The following USP38 variants were observed in gnomAD, a reference collection of about 807,000 sequenced individuals.
USP38 encodes ubiquitin specific peptidase 38, also known as ubiquitin carboxyl-terminal hydrolase 38.
In USP38, 49 loss-of-function variants were observed where a neutral mutation model predicts 94.3. The ratio of observed to expected loss-of-function variants is 0.52; its 90% CI spans 0.41 to 0.66. The LOEUF is 0.66. USP38 is among the 30% of genes least tolerant of loss of function. The pLI, the probability that USP38 is intolerant of heterozygous loss-of-function variation, is 0.00. For missense variants in USP38, 1,128 were observed against 1,229.4 expected (o/e 0.92, Z 1.23); for synonymous variants, 468 against 463.6 (o/e 1.01, Z -0.12).
chr4:143,187,132 A>G (rs73850684), intron 1 of USP38, among the ~76,000 whole-genome samples: 4,374 of 152,164 alleles, frequency 0.029, 188 homozygotes, highest in African/African-American at 0.1. Context: ...CTGTGTTGTC[A>G]TAACTGTTAG....
intron 4 of USP38, among the ~76,000 whole-genome samples, 186 bp from the exon 5 acceptor site, chr4:143,203,222 C>A (rs1199166979): frequency 2.6e-5 from 4 of 151,984 alleles, no homozygotes. Flanking sequence ...CAGTCATATG[C>A]GACTTCGAAA....
Position 143,203,486 on chromosome 4 carries a change from T to C in USP38, c.1129T>C (p.Leu377=). Residue 377 remains leucine (L), a synonymous_variant, in exon 5 of 10, where the codon TTA becomes CTA. Coordinates refer to ENST00000307017, the MANE Select transcript of USP38 (RefSeq NM_032557.6). The part of the protein sequence containing the change: ...LPSSTAFLVQ[L]TELIHCMMYH... ...TTCAAGTACAGCCTTCTTAGTACAA[T>C]TAACAGAATTGATACACTGTATGAT... 2 of 1,613,388 alleles carry C rather than the reference T, an allele frequency of 1.2e-6. No individual in the cohort carries two copies. Among genetic ancestry groups the C allele is most frequent in the Non-Finnish European group, 1.7e-6 (2 of 1,179,594 alleles).
At chr4:143,209,157 T>C (rs1731955471) in intron 6 of USP38, among the ~76,000 whole-genome samples, 1 of 152,120 alleles carries the variant, frequency 6.6e-6, no homozygotes. Context: ...ATCCAGAAAA[T>C]AGAAATAATA....
At chr4:143,202,150 T>C (rs532779513) in intron 4 of USP38, among the ~76,000 whole-genome samples, 64 of 152,320 alleles carry the variant, frequency 4.2e-4, no homozygotes, top group Admixed American at 1.4e-3. Flanking sequence ...GACAGAAGTA[T>C]AATTCATATT....
In USP38 at chr4:143,221,894, A is replaced by G. The variant is rs932790540; in HGVS notation, c.*1438A>G. 1 of 152,108 alleles carries G rather than the reference A, an allele frequency of 6.6e-6. No homozygotes were observed. The highest frequency in any genetic ancestry group is 2.4e-5 in the African/African-American group (1 of 41,464). 9.4% of individuals were successfully genotyped at this position (152,108 alleles called of 1,614,324 possible). ...TCCCATTCCTAACCTGTTTCCAATC[A>G]CCAGGAAGATTAGGAAGGCAGATTA... is the stretch of plus-strand genomic sequence containing the variant. On this transcript the variant is annotated 3_prime_UTR_variant, in exon 10 of 10. Coordinates refer to ENST00000307017, the MANE Select transcript of USP38 (RefSeq NM_032557.6).
In USP38 at chr4:143,187,977, A is replaced by G. The variant is rs1266859494; in HGVS notation, c.818+16A>G. ...CCCTTTGCAGGTACTTCTTCATGAC[A>G]CTATTAATGGTAATTGTAGATTTGG... On this transcript the variant is annotated intron_variant, in intron 2 of 9. Coordinates refer to ENST00000307017, the MANE Select transcript of USP38 (RefSeq NM_032557.6). The G allele has an allele frequency of 6.2e-7, 1 of 1,604,240 alleles. No homozygotes were observed. The highest frequency in any genetic ancestry group is 8.5e-7 in the Non-Finnish European group (1 of 1,176,924).
At chr4:143,216,764 A>G (rs1392860003) in intron 9 of USP38, among the ~76,000 whole-genome samples, 2 of 151,008 alleles carry the variant, frequency 1.3e-5, no homozygotes, top group African/African-American at 4.9e-5. Context: ...ATGTGGCCCA[A>G]TAATCAACTC....
chr4:143,213,095 G>C (rs1361776602), intron 8 of USP38, among the ~76,000 whole-genome samples: 2 of 152,050 alleles, frequency 1.3e-5, no homozygotes, highest in Non-Finnish European at 2.9e-5. Context: ...AATTGTATGG[G>C]TTTGGTATGT....
In USP38 at chr4:143,223,842, C is replaced by T. The variant is rs1732382150; in HGVS notation, c.*3386C>T. The T allele has an allele frequency of 1.3e-5, 2 of 152,000 alleles. No individual in the cohort carries two copies. Among genetic ancestry groups the T allele is most frequent in the Admixed American group, 1.3e-4 (2 of 15,236 alleles). The allele number at this position is 152,000 out of a possible 1,614,324, so 9.4% of individuals were successfully genotyped here. On this transcript the variant is annotated 3_prime_UTR_variant, in exon 10 of 10. Transcript: ENST00000307017. ...TGTGATAGTTTATATATCCTTTCAT[C>T]ATACGTTTTTTCTAATGAGTTTAGA...
Position 143,221,372 on chromosome 4 carries a change from A to G in USP38, c.*916A>G, listed in dbSNP as rs762596095. ...AAATCTGATGGTTCTAAATCAATCA[A>G]TGTGATAGTTCATTTTTAACTCTTA... On this transcript the variant is annotated 3_prime_UTR_variant, in exon 10 of 10. Coordinates refer to ENST00000307017, the MANE Select transcript of USP38 (RefSeq NM_032557.6). 1.3e-5 allele frequency: 2 copies of G among 152,566 alleles called. No homozygotes were observed. The highest frequency in any genetic ancestry group is 4.8e-5 in the African/African-American group (2 of 41,446). 9.5% of individuals were successfully genotyped at this position (152,566 alleles called of 1,614,324 possible).
chr4:143,214,529 A>G lies in USP38; in HGVS notation c.2553A>G (p.Ile851Met), dbSNP rs1276644646. Residue 851 changes from isoleucine (I) to methionine (M), a missense_variant, in exon 9 of 10, where the codon ATA becomes ATG. Transcript: ENST00000307017. ...GTTCCGTTGTGGTTCACTCTGGTAT[A>G]TCCTCTGAAAGTGGGCATTACTATT... is the stretch of plus-strand genomic sequence containing the variant. ...LLSSVVVHSG[I>M]SSESGHYYSY... 2.5e-6 allele frequency: 4 copies of G among 1,613,490 alleles called. No individual in the cohort carries two copies. Among genetic ancestry groups the G allele is most frequent in the Admixed American group, 1.7e-5 (1 of 59,886 alleles).
intron 5 of USP38, chr4:143,204,402 T>G (rs1420056455): frequency 7.9e-5 from 36 of 454,664 alleles, no homozygotes; most frequent in Non-Finnish European, 1.4e-4. Context: ...AGCACTTTTT[T>G]TTTTTTTTGG....
rs1270547163 is a variant in USP38 at position 143,189,851 on chromosome 4, C to G, written c.818+1890C>G. Among the ~76,000 whole-genome samples the G allele has an allele frequency of 3.3e-5, 5 of 151,896 alleles. No homozygotes were observed. In the East Asian group the frequency reaches 9.6e-4, roughly 29 times the overall value. On this transcript the variant is annotated intron_variant, in intron 2 of 9. Transcript: ENST00000307017. The stretch of plus-strand genomic sequence containing the variant: ...ATTTTTATTCTCATCTCCTTGATAT[C>G]TTTCTATTCATTGTTCTTGAAATTT...
At chr4:143,203,364 C>G (rs937136905) in intron 4 of USP38, 44 bp from the exon 5 acceptor site, 9 of 1,568,994 alleles carry the variant, frequency 5.7e-6, no homozygotes, top group Admixed American at 1.8e-5. Flanking sequence ...AATGTGTTAC[C>G]AATTTGTATA....
At chr4:143,200,276 C>T (rs1731674299) in intron 4 of USP38, among the ~76,000 whole-genome samples, 1 of 152,144 alleles carries the variant, frequency 6.6e-6, no homozygotes, top group African/African-American at 2.4e-5. Flanking sequence ...GAAATAAAGA[C>T]ATAAACTACA....
At chr4:143,186,237 A>C (rs917986298) in intron 1 of USP38, 105 bp downstream of exon 1, 2 of 1,207,196 alleles carry the variant, frequency 1.7e-6, no homozygotes, top group African/African-American at 3.0e-5. Flanking sequence ...AAACATTCTT[A>C]AGCGAGAGCA....
At chr4:143,188,202 T>G (rs1252843686) in intron 2 of USP38, among the ~76,000 whole-genome samples, 1 of 152,148 alleles carries the variant, frequency 6.6e-6, no homozygotes, top group Admixed American at 6.5e-5. Flanking sequence ...ATACACATAT[T>G]ATACACTCAG....
chr4:143,188,308 A>G (rs1241195735), intron 2 of USP38, among the ~76,000 whole-genome samples: 1 of 151,478 alleles, frequency 6.6e-6, no homozygotes, highest in Non-Finnish European at 1.5e-5. Flanking sequence ...TTTCTTCCTT[A>G]GTAAGTATAT....
chr4:143,197,751 A>C lies in USP38; in HGVS notation c.949-72A>C, dbSNP rs531818717. The stretch of plus-strand genomic sequence containing the variant: ...ATTCATATAAATAAATTCTAGCTCT[A>C]GGAAAATAACCACTGTTGGATTAAT... On this transcript the variant is annotated intron_variant, in intron 3 of 9. Transcript: ENST00000307017. 45 of 1,043,642 alleles carry C rather than the reference A, an allele frequency of 4.3e-5. 2 individuals carry two copies. The Middle Eastern group carries it at 1.5e-3, about 34-fold the overall frequency. 64.6% of individuals were successfully genotyped at this position (1,043,642 alleles called of 1,614,324 possible). A position where few individuals can be genotyped will look rare whatever the true frequency, so the allele number is the denominator to read the frequency against.
Sources: gnomAD v4.1 joint callset for allele counts (sites outside exome capture counted in the v4.1 genomes callset) on GRCh38, gnomAD v4.1.1 for gene constraint, MANE v1.5 for transcripts, NCBI Gene and HGNC (gene_info 2026-07-23, HGNC 2026-07-21) for gene names.